The following PITPNC1 variants were observed in gnomAD, a reference collection of about 807,000 sequenced individuals.
PITPNC1 encodes the protein phosphatidylinositol transfer protein cytoplasmic 1, also known as cytoplasmic phosphatidylinositol transfer protein 1.
In PITPNC1, 18 loss-of-function variants were observed where a neutral mutation model predicts 44.7. The observed-to-expected ratio is 0.40, with a 90% CI of 0.28 to 0.60. The LOEUF is 0.60. PITPNC1 is among the 20% of genes least tolerant of loss of function. The pLI is 0.39. For synonymous variants in PITPNC1, 141 were observed against 149.6 expected, an observed-to-expected ratio of 0.94 and a Z score of 0.42; for missense variants, 290 against 418.4, an observed-to-expected ratio of 0.69 and a Z score of 2.68.
intron 1 of PITPNC1, among the ~76,000 whole-genome samples, chr17:67,390,642 A>G (rs904586231): frequency 1.2e-4 from 18 of 152,162 alleles, no homozygotes; most frequent in Non-Finnish European, 1.8e-4. Flanking sequence ...CTAACTGGCT[A>G]TTTAAACCTC....
intron 5 of PITPNC1, among the ~76,000 whole-genome samples, chr17:67,600,212 A>G (rs1267839498): frequency 1.3e-5 from 2 of 152,072 alleles, no homozygotes; most frequent in African/African-American, 4.8e-5. Context: ...CAACTGTAAA[A>G]CCTAGAGATT....
intron 2 of PITPNC1, among the ~76,000 whole-genome samples, chr17:67,533,191 T>C (rs1369418433): frequency 1.3e-5 from 2 of 152,070 alleles, no homozygotes; most frequent in Admixed American, 1.3e-4. Context: ...GGCCAGGAGT[T>C]TGAGGCTACA....
At chr17:67,420,636 T>C (rs2038659557) in intron 1 of PITPNC1, among the ~76,000 whole-genome samples, 1 of 152,104 alleles carries the variant, frequency 6.6e-6, no homozygotes, top group African/African-American at 2.4e-5. Flanking sequence ...TTTGCTATGT[T>C]GGCCAGGCTG....
At chr17:67,665,827 G>A (rs909477009) in intron 6 of PITPNC1, among the ~76,000 whole-genome samples, 1 of 148,424 alleles carries the variant, frequency 6.7e-6, no homozygotes, top group Non-Finnish European at 1.5e-5. Context: ...GGTCCTTGGA[G>A]GGGATGACAC....
intron 5 of PITPNC1, among the ~76,000 whole-genome samples, chr17:67,594,820 G>A (rs902983109): frequency 1.3e-5 from 2 of 152,160 alleles, no homozygotes; most frequent in African/African-American, 2.4e-5. Context: ...CTTCACTTCC[G>A]TGTGCCCCTG....
intron 4 of PITPNC1, among the ~76,000 whole-genome samples, chr17:67,558,499 G>A (rs1043447342): frequency 6.6e-6 from 1 of 151,990 alleles, no homozygotes; most frequent in Non-Finnish European, 1.5e-5. Context: ...TTTCAGATGA[G>A]CATAAATCAG....
intron 1 of PITPNC1, among the ~76,000 whole-genome samples, chr17:67,492,695 A>G (rs1230638197): frequency 1.3e-5 from 2 of 152,134 alleles, no homozygotes; most frequent in African/African-American, 4.8e-5. Flanking sequence ...CAGGACAGCT[A>G]CTGTCCTGAT....
At chr17:67,566,050 G>A (rs912486419) in intron 4 of PITPNC1, among the ~76,000 whole-genome samples, 3 of 151,814 alleles carry the variant, frequency 2.0e-5, no homozygotes, top group East Asian at 1.9e-4. Context: ...TTTTAGAGTC[G>A]ATCCCAATGT....
chr17:67,586,034 G>A (rs560461525), intron 5 of PITPNC1, among the ~76,000 whole-genome samples: 2 of 152,132 alleles, frequency 1.3e-5, no homozygotes, highest in East Asian at 1.9e-4. Flanking sequence ...GGGAGCAAAG[G>A]CCCTGGACCC....
chr17:67,568,048 G>A (rs138417009), intron 4 of PITPNC1, among the ~76,000 whole-genome samples: 24 of 152,214 alleles, frequency 1.6e-4, no homozygotes, highest in East Asian at 3.9e-4. Flanking sequence ...ACAAAAACTC[G>A]CACAAGAATA....
intron 3 of PITPNC1, 159 bp from the exon 4 acceptor site, chr17:67,553,451 A>C (rs963705857): frequency 2.1e-5 from 9 of 432,722 alleles, no homozygotes; most frequent in Non-Finnish European, 3.3e-5. Flanking sequence ...ACACGGAGAC[A>C]TTCAGTATTT....
intron 4 of PITPNC1, among the ~76,000 whole-genome samples, chr17:67,575,446 G>A (rs181299007): frequency 1.1e-4 from 16 of 152,318 alleles, no homozygotes; most frequent in Non-Finnish European, 2.1e-4. Flanking sequence ...GATTGTTTCC[G>A]TGTTTCCTTA....
rs1188245618 is a variant in PITPNC1, at chr17:67,495,038, TTGTTTTTTTTTTTG to T, written c.49-37762_49-37749del. 9.0e-3 allele frequency among the ~76,000 whole-genome samples: 652 copies of T among 72,516 alleles called. 29 individuals are homozygous for T. The highest frequency in any genetic ancestry group is 0.036 in the African/African-American group (626 of 17,218). 47.6% of individuals were successfully genotyped at this position (72,516 alleles called of 152,430 possible). On this transcript the variant is annotated intron_variant, in intron 1 of 8. Transcript: ENST00000581322. ...ACTTTGGCAATATTGAGCCATGGAG[TTGTTTTTTTTTTTG>T]TTTTTTTTTTTTTTTTTTTTTTGAG...
intron 1 of PITPNC1, among the ~76,000 whole-genome samples, chr17:67,487,087 C>A (rs2039789479): frequency 6.6e-6 from 1 of 152,056 alleles, no homozygotes; most frequent in South Asian, 2.1e-4. Flanking sequence ...AAAAAGAAAA[C>A]CAACATCATA....
Position 67,631,671 on chromosome 17 carries a change from T to TATAA in PITPNC1, c.367-471_367-470insTAAA, listed in dbSNP as rs1272988970. On this transcript the variant is annotated intron_variant, in intron 5 of 8. Transcript: ENST00000581322. ...AAAAAAAAAAAAATATATATATATA[T>TATAA]AAAATATATATTTTTAACATATATA... 1.8e-3 allele frequency among the ~76,000 whole-genome samples: 124 copies of TATAA among 69,636 alleles called. 5 individuals carry two copies. The East Asian group carries it at 0.021, about 12-fold the overall frequency. The allele number at this position is 69,636 out of a possible 152,430, so 45.7% of individuals were successfully genotyped here.
intron 6 of PITPNC1, among the ~76,000 whole-genome samples, chr17:67,660,698 AC>A (rs2042333084): frequency 6.6e-6 from 1 of 151,734 alleles, no homozygotes; most frequent in Non-Finnish European, 1.5e-5. Flanking sequence ...GGCACATGCC[AC>A]CACACCTGGC....
At chr17:67,493,748 G>T (rs1204352201) in intron 1 of PITPNC1, among the ~76,000 whole-genome samples, 4 of 152,166 alleles carry the variant, frequency 2.6e-5, no homozygotes, top group Admixed American at 2.6e-4. Flanking sequence ...CGTGAGATGG[G>T]TGGGATGGTA....
intron 2 of PITPNC1, among the ~76,000 whole-genome samples, 169 bp downstream of exon 2, chr17:67,533,119 C>A (rs958087278): frequency 6.6e-6 from 1 of 152,116 alleles, no homozygotes; most frequent in Non-Finnish European, 1.5e-5. Flanking sequence ...TCTGCCCGAG[C>A]GAGGTGGCTC....
chr17:67,675,010 C>CAAAAAAAAAAAAAAAAAAAA (rs11372163), intron 7 of PITPNC1, among the ~76,000 whole-genome samples: 1 of 114,112 alleles, frequency 8.8e-6, no homozygotes, highest in African/African-American at 3.4e-5. Context: ...GACTCTGTCT[C>CAAAAAAAAAAAAAAAAAAAA]AAAAAAAAAA....
Sources: gnomAD v4.1 joint callset for allele counts (sites outside exome capture counted in the v4.1 genomes callset) on GRCh38, gnomAD v4.1.1 for gene constraint, MANE v1.5 for transcripts, NCBI Gene and HGNC (gene_info 2026-07-23, HGNC 2026-07-21) for gene names.